The following PDE4B variants were observed in gnomAD, a reference collection of about 807,000 sequenced individuals.
The protein encoded by PDE4B is 3',5'-cyclic-AMP phosphodiesterase 4B.
Under a neutral mutation model 82.2 loss-of-function variants are expected in PDE4B, and 20 were observed. The observed-to-expected ratio is 0.24, with a 90% CI of 0.17 to 0.35. The LOEUF is 0.35. Among genes scored for constraint, PDE4B ranks in the 10% least tolerant of loss-of-function variants. The probability of loss-of-function intolerance (pLI) is 1.00; values close to 1 mark genes in which losing one functional copy is unlikely to be tolerated. For missense variants in PDE4B, 655 were observed against 907.2 expected, an observed-to-expected ratio of 0.72 and a Z score of 3.57; for synonymous variants, 320 against 318.9, an observed-to-expected ratio of 1.00 and a Z score of -0.04.
At chr1:66,244,789 G>A (rs776947201) in intron 3 of PDE4B, among the ~76,000 whole-genome samples, 1 of 152,216 alleles carries the variant, frequency 6.6e-6, no homozygotes, top group Non-Finnish European at 1.5e-5. Context: ...CTGAGTTTAA[G>A]TAGGGTAAGA....
chr1:66,115,922 C>T (rs1441018902), intron 3 of PDE4B, among the ~76,000 whole-genome samples: 3 of 152,154 alleles, frequency 2.0e-5, no homozygotes, highest in Non-Finnish European at 4.4e-5. Context: ...ACGTAATCCT[C>T]CTTCTTTCTT....
Position 66,017,838 on chromosome 1 carries a change from ATAT to A in PDE4B, c.281+99004_281+99006del, listed in dbSNP as rs796789527. ...CCAGTATTAGTGAGATTTTTAAAAAATATATATATATATATTCAAGGGTGCTTT... is the reference window on the plus strand; with the variant it reads ...CCAGTATTAGTGAGATTTTTAAAAAAATATATATATATTCAAGGGTGCTTT... On this transcript the variant is annotated intron_variant, in intron 3 of 16. Transcript: ENST00000341517. Among the ~76,000 whole-genome samples the A allele has an allele frequency of 2.9e-3, 407 of 139,582 alleles. 2 individuals carry two copies. The highest frequency in any genetic ancestry group is 0.016 in the East Asian group (69 of 4,226). The allele number at this position is 139,582 out of a possible 152,430, so 91.6% of individuals were successfully genotyped here.
chr1:66,220,380 G>A (rs1320065121), intron 3 of PDE4B, among the ~76,000 whole-genome samples: 2 of 152,116 alleles, frequency 1.3e-5, no homozygotes, highest in Non-Finnish European at 2.9e-5. Flanking sequence ...CTCTTCATAA[G>A]TTCCAAGGGA....
intron 1 of PDE4B, among the ~76,000 whole-genome samples, chr1:65,893,226 G>T (rs1283625643): frequency 6.6e-6 from 1 of 152,010 alleles, no homozygotes; most frequent in Non-Finnish European, 1.5e-5. Flanking sequence ...AATTAAAAAT[G>T]AACATTTCCT....
At chr1:66,216,500 T>C (rs1324207395) in intron 3 of PDE4B, among the ~76,000 whole-genome samples, 2 of 152,178 alleles carry the variant, frequency 1.3e-5, no homozygotes, top group African/African-American at 4.8e-5. Flanking sequence ...CACCTCTGAA[T>C]TTCCTGCATC....
intron 7 of PDE4B, among the ~76,000 whole-genome samples, chr1:66,276,742 A>G (rs984856827): frequency 6.6e-6 from 1 of 152,234 alleles, no homozygotes; most frequent in Non-Finnish European, 1.5e-5. Context: ...TCAGACCCTG[A>G]TCTCATAGAT....
chr1:66,154,057 T>A (rs1646454871), intron 3 of PDE4B, among the ~76,000 whole-genome samples: 1 of 152,222 alleles, frequency 6.6e-6, no homozygotes, highest in Non-Finnish European at 1.5e-5. Flanking sequence ...CTTTACCTTT[T>A]TATCTTCCCT....
chr1:66,247,715 A>G, intron 4 of PDE4B, 61 bp downstream of exon 4: 1 of 1,252,816 alleles, frequency 8.0e-7, no homozygotes, highest in Non-Finnish European at 1.1e-6. Flanking sequence ...CCCAGGTCAC[A>G]GTGGCAGCAA....
Position 65,861,560 on chromosome 1 carries a change from G to A in PDE4B, c.-70-51685G>A, listed in dbSNP as rs190757786. Among the ~76,000 whole-genome samples the A allele has an allele frequency of 3.1e-3, 473 of 152,222 alleles. 4 individuals are homozygous for A. The highest frequency in any genetic ancestry group is 0.011 in the African/African-American group (446 of 41,560). On this transcript the variant is annotated intron_variant, in intron 1 of 16. Coordinates refer to ENST00000341517, the MANE Select transcript of PDE4B (RefSeq NM_002600.4). ...TTTTTGGTTCCATACAAAATTTAAA[G>A]TAGTTTTTTTCTAATTCTGCAATGA...
chr1:65,918,519 G>A, intron 2 of PDE4B, 78 bp from the exon 3 acceptor site: 1 of 826,092 alleles, frequency 1.2e-6, no homozygotes, highest in East Asian at 2.4e-5. Flanking sequence ...TGATCATTTA[G>A]TTTCTTCTTT....
At chr1:65,866,128 A>C (rs967355313) in intron 1 of PDE4B, among the ~76,000 whole-genome samples, 1 of 152,162 alleles carries the variant, frequency 6.6e-6, no homozygotes, top group African/African-American at 2.4e-5. Flanking sequence ...AATCTTGGGA[A>C]AGGGAGGGGT....
intron 3 of PDE4B, among the ~76,000 whole-genome samples, chr1:66,150,511 C>T (rs1028912808): frequency 4.6e-5 from 7 of 152,140 alleles, no homozygotes; most frequent in African/African-American, 7.2e-5. Context: ...TCCTTTCCAA[C>T]GATAATGCCT....
intron 3 of PDE4B, among the ~76,000 whole-genome samples, chr1:66,029,078 A>C (rs1653615375): frequency 6.6e-6 from 1 of 152,192 alleles, no homozygotes; most frequent in Non-Finnish European, 1.5e-5. Flanking sequence ...AGACATAACC[A>C]AGACTGGGAA....
chr1:66,072,018 T>C (rs1037260942), intron 3 of PDE4B, among the ~76,000 whole-genome samples: 3 of 152,028 alleles, frequency 2.0e-5, no homozygotes, highest in African/African-American at 7.2e-5. Context: ...CACCAGTACA[T>C]CTCCAAGACA....
chr1:66,287,661 CA>C (rs1157251229), intron 7 of PDE4B, among the ~76,000 whole-genome samples: 1 of 152,140 alleles, frequency 6.6e-6, no homozygotes, highest in Non-Finnish European at 1.5e-5. Flanking sequence ...CTGTTTCCCA[CA>C]CCAGCAAATA....
intron 3 of PDE4B, among the ~76,000 whole-genome samples, chr1:66,125,993 A>T: frequency 6.6e-6 from 1 of 152,098 alleles, no homozygotes; most frequent in Non-Finnish European, 1.5e-5. Flanking sequence ...TTTAGTGGAG[A>T]TGGGGTTTCA....
intron 3 of PDE4B, among the ~76,000 whole-genome samples, chr1:66,217,672 T>C (rs1467265664): frequency 6.6e-6 from 1 of 152,176 alleles, no homozygotes; most frequent in Non-Finnish European, 1.5e-5. Flanking sequence ...ATTTGTTTAA[T>C]TATTTTTATT....
chr1:65,961,117 T>C (rs1246289136), intron 3 of PDE4B, among the ~76,000 whole-genome samples: 1 of 152,110 alleles, frequency 6.6e-6, no homozygotes, highest in African/African-American at 2.4e-5. Flanking sequence ...GGATCACACA[T>C]AGGTAGGATG....
At position 66,372,570 on chromosome 1, in the gene PDE4B, T is replaced by C; in HGVS notation, c.2103T>C (p.Tyr701=). The stretch of plus-strand genomic sequence containing the variant: ...AGAAGGAGGGAGAGGGACACAGCTA[T>C]TTCAGCAGCACAAAGACGCTTTGTG... ...GPEKEGEGHS[Y]FSSTKTLCVI... Residue 701 remains tyrosine, a synonymous_variant, in exon 17 of 17, where the codon TAT becomes TAC. Coordinates refer to ENST00000341517, the MANE Select transcript of PDE4B (RefSeq NM_002600.4). 1 of 1,614,174 alleles carries C rather than the reference T, an allele frequency of 6.2e-7. No homozygotes were observed. Among genetic ancestry groups the C allele is most frequent in the South Asian group, 1.1e-5 (1 of 91,092 alleles).
Sources: gnomAD v4.1 joint callset for allele counts (sites outside exome capture counted in the v4.1 genomes callset) on GRCh38, gnomAD v4.1.1 for gene constraint, MANE v1.5 for transcripts, NCBI Gene and HGNC (gene_info 2026-07-23, HGNC 2026-07-21) for gene names.